The following YJU2 variants were observed in gnomAD, a reference collection of about 807,000 sequenced individuals.
The protein encoded by YJU2 is YJU2 splicing factor homolog, also known as splicing factor YJU2.
Under a neutral mutation model 39.6 loss-of-function variants are expected in YJU2, and 28 were observed. The observed-to-expected ratio is 0.71, with a 90% CI of 0.52 to 0.97. The LOEUF (loss-of-function observed/expected upper bound fraction) is 0.97. Among genes scored for constraint, YJU2 ranks in the 50% least tolerant of loss-of-function variants. YJU2 has a pLI of 0.00. For missense variants in YJU2, 328 were observed against 430.4 expected (o/e 0.76, Z 2.11); for synonymous variants, 184 against 182.4 (o/e 1.01, Z -0.07).
intron 7 of YJU2, 106 bp downstream of exon 7, chr19:4,267,880 G>C (rs532157912): frequency 9.7e-7 from 1 of 1,030,360 alleles, no homozygotes; most frequent in African/African-American, 1.6e-5. Flanking sequence ...GGTGGGGGCG[G>C]CCTGCGACCC....
At chr19:4,257,840 T>C (rs558339067) in intron 4 of YJU2, among the ~76,000 whole-genome samples, 1 of 152,110 alleles carries the variant, frequency 6.6e-6, no homozygotes, top group Non-Finnish European at 1.5e-5. Flanking sequence ...TGATCTCAGG[T>C]GATCCGCCCG....
At chr19:4,247,752 C>A (rs1351512603) in intron 1 of YJU2, among the ~76,000 whole-genome samples, 1 of 149,586 alleles carries the variant, frequency 6.7e-6, no homozygotes, top group African/African-American at 2.5e-5. Context: ...CTTACAGTGG[C>A]CAAGATTTTA....
intron 1 of YJU2, among the ~76,000 whole-genome samples, chr19:4,247,609 GT>G (rs772794802): frequency 0.32 from 12,147 of 37,522 alleles, 3,374 homozygotes; most frequent in South Asian, 0.54. Context: ...GTGTGTGTGT[GT>G]GTGTGTGTGT....
intron 1 of YJU2, chr19:4,248,354 A>G (rs1970948364): frequency 6.6e-6 from 1 of 152,238 alleles, no homozygotes; most frequent in Admixed American, 6.5e-5. Context: ...AGAGCACTTT[A>G]TCCCCCTTGC....
At chr19:4,258,184 G>A in intron 4 of YJU2, 58 bp from the exon 5 acceptor site, 1 of 1,532,342 alleles carries the variant, frequency 6.5e-7, no homozygotes, top group African/African-American at 1.4e-5. Flanking sequence ...AGGCCAGACA[G>A]GGTTTGCCCC....
rs1229004382 is a variant in YJU2 at position 4,258,236 on chromosome 19, C to CG, written c.406-5dup. The CG allele has an allele frequency of 2.6e-6, 4 of 1,551,062 alleles. No homozygotes were observed. The highest frequency in any genetic ancestry group is 3.5e-6 in the Non-Finnish European group (4 of 1,146,916). On this transcript the variant is annotated splice_polypyrimidine_tract_variant and splice_region_variant and intron_variant, in intron 4 of 7. Coordinates refer to ENST00000262962, the MANE Select transcript of YJU2 (RefSeq NM_018074.6). Reference sequence around the variant, plus strand: ...GCACTCAGCCCCGCCGCCCCGCGCCCGCCAGGTGCTGGAGAACCGGACCAA... The same window carrying CG: ...GCACTCAGCCCCGCCGCCCCGCGCCCGGCCAGGTGCTGGAGAACCGGACCAA...
intron 7 of YJU2, 113 bp downstream of exon 7, chr19:4,267,887 AC>A: frequency 4.3e-6 from 4 of 928,282 alleles, no homozygotes; most frequent in Non-Finnish European, 4.8e-6. Context: ...GCGGCCTGCG[AC>A]CCCCACAGGA....
intron 6 of YJU2, among the ~76,000 whole-genome samples, chr19:4,267,155 G>A (rs1458733178): frequency 6.6e-6 from 1 of 152,140 alleles, no homozygotes; most frequent in African/African-American, 2.4e-5. Context: ...CAGCAGTGGG[G>A]AAGACAGGAG....
At chr19:4,249,614 C>T (rs1395105340) in intron 2 of YJU2, among the ~76,000 whole-genome samples, 1 of 152,020 alleles carries the variant, frequency 6.6e-6, no homozygotes. Flanking sequence ...AGATATATTT[C>T]AGCTCCTCCA....
chr19:4,247,627 G>T, intron 1 of YJU2, among the ~76,000 whole-genome samples: 3 of 49,044 alleles, frequency 6.1e-5, no homozygotes, highest in Non-Finnish European at 1.1e-4. Flanking sequence ...GTGTGTGTGT[G>T]TGTGTGTGTG....
chr19:4,268,798 T>A lies in YJU2; in HGVS notation c.*102T>A, dbSNP rs1363931608. On this transcript the variant is annotated 3_prime_UTR_variant, in exon 8 of 8. Transcript: ENST00000262962. The stretch of plus-strand genomic sequence containing the variant: ...TCAGGGCAGGAGGCCTTGGCGTGAC[T>A]GGAGGCCGGACAGACAAGCGCCAGC... 4 of 825,338 alleles carry A rather than the reference T, an allele frequency of 4.8e-6. No homozygotes were observed. The highest frequency in any genetic ancestry group is 2.3e-4 in the Middle Eastern group (1 of 4,382). 51.1% of individuals were successfully genotyped at this position (825,338 alleles called of 1,614,324 possible). A position where few individuals can be genotyped will look rare whatever the true frequency, so the allele number is the denominator to read the frequency against.
intron 2 of YJU2, among the ~76,000 whole-genome samples, chr19:4,250,424 G>T (rs1469964901): frequency 1.3e-5 from 2 of 152,152 alleles, no homozygotes; most frequent in African/African-American, 4.8e-5. Context: ...TCAGGCAGGT[G>T]CACGGGCCCC....
At chr19:4,249,355 C>G (rs1234410165) in intron 2 of YJU2, 27 bp downstream of exon 2, 3 of 1,481,134 alleles carry the variant, frequency 2.0e-6, no homozygotes, top group Admixed American at 1.7e-5. Context: ...TGACCCCACA[C>G]ACCAGTCATG....
At chr19:4,261,529 C>T (rs1399982549) in intron 5 of YJU2, among the ~76,000 whole-genome samples, 4 of 151,600 alleles carry the variant, frequency 2.6e-5, no homozygotes, top group African/African-American at 7.3e-5. Flanking sequence ...GGTGTGGTGG[C>T]AGGCACCTGT....
Position 4,268,684 on chromosome 19 carries a change from C to T in YJU2, c.960C>T (p.Asn320=), listed in dbSNP as rs1302523251. The change falls in exon 8 of 8, where the codon AAC becomes AAT. Residue 320 remains asparagine (N), a synonymous_variant. Transcript: ENST00000262962. ...CATACCTGGACAGTGACGACAGCAA[C>T]GGCAGCAACTGAGCCCTCCCAGGAC... ...LGAYLDSDDS[N]GSN 4.5e-5 allele frequency: 72 copies of T among 1,612,672 alleles called. No individual in the cohort carries two copies. Among genetic ancestry groups the T allele is most frequent in the Non-Finnish European group, 5.6e-5 (66 of 1,179,150 alleles).
At position 4,258,432 on chromosome 19, in the gene YJU2, G is replaced by T. The variant is rs754840920; in HGVS notation, c.587+9G>T. On this transcript the variant is annotated intron_variant, in intron 5 of 7. Coordinates refer to ENST00000262962, the MANE Select transcript of YJU2 (RefSeq NM_018074.6). ...GACGAGCAGGAGACCGCGTGAGTCA[G>T]GGCCGGCCCAACCCAGCCCCACCTC... 1.9e-6 allele frequency: 3 copies of T among 1,573,598 alleles called. No homozygotes were observed. Among genetic ancestry groups the T allele is most frequent in the Non-Finnish European group, 2.6e-6 (3 of 1,161,054 alleles).
At chr19:4,253,237 A>AC (rs763726208) in intron 3 of YJU2, among the ~76,000 whole-genome samples, 1 of 147,068 alleles carries the variant, frequency 6.8e-6, no homozygotes, top group East Asian at 2.0e-4. Context: ...ACACACACAC[A>AC]AATTTTAATT....
At chr19:4,258,092 C>T (rs1028428333) in intron 4 of YJU2, 150 bp from the exon 5 acceptor site, 99 of 1,156,944 alleles carry the variant, frequency 8.6e-5, no homozygotes, top group Non-Finnish European at 1.1e-4. Flanking sequence ...ATGGACACAG[C>T]GCTGGGCATG....
At chr19:4,259,422 C>G (rs1043621811) in intron 5 of YJU2, among the ~76,000 whole-genome samples, 3 of 152,136 alleles carry the variant, frequency 2.0e-5, no homozygotes, top group Non-Finnish European at 2.9e-5. Context: ...CTCTGCCGCC[C>G]AGGCTGGAGT....
Sources: allele counts gnomAD v4.1 joint callset (sites outside exome capture counted in the v4.1 genomes callset), GRCh38; gene constraint gnomAD v4.1.1; transcripts MANE v1.5; gene names NCBI Gene and HGNC (gene_info 2026-07-23, HGNC 2026-07-21).